The following HS6ST3 variants were observed in gnomAD, a reference collection of about 807,000 sequenced individuals.
The protein encoded by HS6ST3 is heparan-sulfate 6-O-sulfotransferase 3.
Under a neutral mutation model 36.7 loss-of-function variants are expected in HS6ST3, and 12 were observed. The observed-to-expected ratio is 0.33, with a 90% CI of 0.21 to 0.53. The LOEUF is 0.53. HS6ST3 is among the 20% of genes least tolerant of loss of function. HS6ST3 has a pLI of 0.95. For missense variants in HS6ST3, 584 were observed against 640.9 expected, an observed-to-expected ratio of 0.91 and a Z score of 0.96; for synonymous variants, 240 against 257.5, an observed-to-expected ratio of 0.93 and a Z score of 0.65.
intron 1 of HS6ST3, among the ~76,000 whole-genome samples, chr13:96,178,398 C>T (rs2054222522): frequency 6.6e-6 from 1 of 152,096 alleles, no homozygotes. Flanking sequence ...GCCAACTTCA[C>T]TTGAGGGTGT....
In HS6ST3 at chr13:96,125,500, G is replaced by A. The variant is rs866346020; in HGVS notation, c.707+33931G>A. 6.6e-5 allele frequency among the ~76,000 whole-genome samples: 10 copies of A among 152,034 alleles called. No individual in the cohort carries two copies. In the South Asian group the frequency reaches 1.0e-3, roughly 16 times the overall value. On this transcript the variant is annotated intron_variant, in intron 1 of 1. Transcript: ENST00000376705. ...TTACTTATTTAACTTTATTAACCTC[G>A]TCTGTCTCACTTATTTTAAATTTAT...
intron 1 of HS6ST3, among the ~76,000 whole-genome samples, chr13:96,265,955 G>A (rs2054690072): frequency 6.6e-6 from 1 of 152,122 alleles, no homozygotes; most frequent in Non-Finnish European, 1.5e-5. Context: ...TCTGTAAGAT[G>A]GGGATAACCT....
At chr13:96,252,183 C>A (rs1393038039) in intron 1 of HS6ST3, among the ~76,000 whole-genome samples, 1 of 152,128 alleles carries the variant, frequency 6.6e-6, no homozygotes, top group East Asian at 1.9e-4. Flanking sequence ...GTTATATCTG[C>A]TTTATAATAT....
At chr13:96,539,610 C>A (rs1159376960) in intron 1 of HS6ST3, among the ~76,000 whole-genome samples, 2 of 152,170 alleles carry the variant, frequency 1.3e-5, no homozygotes, top group African/African-American at 4.8e-5. Context: ...CCGCCTCAGC[C>A]TCCCAAAGTG....
intron 1 of HS6ST3, among the ~76,000 whole-genome samples, chr13:96,715,852 C>G (rs1875682253): frequency 6.6e-6 from 1 of 151,988 alleles, no homozygotes; most frequent in Non-Finnish European, 1.5e-5. Flanking sequence ...TTTCTAATTC[C>G]ATGAATTATA....
intron 1 of HS6ST3, among the ~76,000 whole-genome samples, chr13:96,300,685 C>T (rs1248117953): frequency 1.3e-5 from 2 of 151,942 alleles, no homozygotes; most frequent in Non-Finnish European, 2.9e-5. Flanking sequence ...CTTTTAATAT[C>T]AAGAATCAAA....
At chr13:96,769,734 C>CTGTGTGTG (rs66777701) in intron 1 of HS6ST3, among the ~76,000 whole-genome samples, 1,616 of 140,274 alleles carry the variant, frequency 0.012, 42 homozygotes, top group African/African-American at 0.042. Flanking sequence ...ATTCCTAGCT[C>CTGTGTGTG]TGTGTGTGTG....
At chr13:96,393,463 A>G (rs1410344) in intron 1 of HS6ST3, among the ~76,000 whole-genome samples, 125,686 of 152,178 alleles carry the variant, frequency 0.83, 52,269 homozygotes, top group Non-Finnish European at 0.87. Context: ...TATAACCTGA[A>G]TCCTTTCTTA....
intron 1 of HS6ST3, among the ~76,000 whole-genome samples, chr13:96,281,380 A>T (rs1176697039): frequency 1.3e-5 from 2 of 152,216 alleles, no homozygotes; most frequent in Non-Finnish European, 2.9e-5. Context: ...CATAAATGTG[A>T]GTATTGTTAA....
intron 1 of HS6ST3, among the ~76,000 whole-genome samples, chr13:96,243,647 C>T (rs377532551): frequency 6.6e-6 from 1 of 152,060 alleles, no homozygotes; most frequent in Non-Finnish European, 1.5e-5. Flanking sequence ...ACTGAGGTGG[C>T]TTTTCAGCTG....
chr13:96,371,502 A>C (rs1207770609), intron 1 of HS6ST3, among the ~76,000 whole-genome samples: 1 of 152,116 alleles, frequency 6.6e-6, no homozygotes, highest in African/African-American at 2.4e-5. Context: ...TCTCTTAGCA[A>C]ATTTCAGGTA....
intron 1 of HS6ST3, among the ~76,000 whole-genome samples, chr13:96,777,998 A>G (rs533556382): frequency 6.6e-6 from 1 of 152,306 alleles, no homozygotes; most frequent in South Asian, 2.1e-4. Context: ...GGAACAGAAC[A>G]GAGGCCTCAG....
At chr13:96,119,968 C>A (rs957350440) in intron 1 of HS6ST3, among the ~76,000 whole-genome samples, 6 of 151,756 alleles carry the variant, frequency 4.0e-5, no homozygotes, top group African/African-American at 1.5e-4. Flanking sequence ...GAAGTTCTAA[C>A]CCCTAGTACT....
intron 1 of HS6ST3, among the ~76,000 whole-genome samples, chr13:96,202,569 G>A (rs995396487): frequency 1.1e-4 from 16 of 152,218 alleles, no homozygotes; most frequent in African/African-American, 3.6e-4. Flanking sequence ...AAGTTGAATT[G>A]GAGCAGCTGC....
intron 1 of HS6ST3, among the ~76,000 whole-genome samples, chr13:96,744,694 A>G (rs1479373441): frequency 6.6e-6 from 1 of 152,022 alleles, no homozygotes; most frequent in Non-Finnish European, 1.5e-5. Flanking sequence ...AACTTTGCAT[A>G]AGCAAATGCA....
chr13:96,449,101 A>G lies in HS6ST3; in HGVS notation c.707+357532A>G, dbSNP rs976567578. 4.6e-5 allele frequency among the ~76,000 whole-genome samples: 7 copies of G among 151,988 alleles called. No individual in the cohort carries two copies. The South Asian group carries it at 1.5e-3, about 32-fold the overall frequency. Reference sequence around the variant, plus strand: ...CTCAGCTACCTGAGTAGCTGATACTACAGGCGCGTGCCACCATACCCGGCT... The same window carrying G: ...CTCAGCTACCTGAGTAGCTGATACTGCAGGCGCGTGCCACCATACCCGGCT... On this transcript the variant is annotated intron_variant, in intron 1 of 1. Transcript: ENST00000376705.
intron 1 of HS6ST3, among the ~76,000 whole-genome samples, chr13:96,581,222 A>AT (rs11411556): frequency 0.44 from 62,207 of 142,644 alleles, 13,493 homozygotes; most frequent in South Asian, 0.5. Flanking sequence ...AACAACTACT[A>AT]TTTTTTTTTT....
intron 1 of HS6ST3, among the ~76,000 whole-genome samples, chr13:96,656,540 AAC>A (rs1197413687): frequency 1.3e-5 from 2 of 152,162 alleles, no homozygotes; most frequent in Non-Finnish European, 2.9e-5. Context: ...AAGGCCAGGA[AAC>A]AAAAGAGATG....
chr13:96,769,778 A>G (rs1271712907), intron 1 of HS6ST3, among the ~76,000 whole-genome samples: 2 of 138,150 alleles, frequency 1.4e-5, no homozygotes, highest in South Asian at 4.3e-4. Context: ...GTGTGTGCGC[A>G]CATATGTATT....
Sources: gnomAD v4.1 joint callset for allele counts (sites outside exome capture counted in the v4.1 genomes callset) on GRCh38, gnomAD v4.1.1 for gene constraint, MANE v1.5 for transcripts, NCBI Gene and HGNC (gene_info 2026-07-23, HGNC 2026-07-21) for gene names.